KIAA1671: variants seen among roughly 807,000 people sequenced by gnomAD.
KIAA1671 encodes the protein KIAA1671.
Under a neutral mutation model 131.2 loss-of-function variants are expected in KIAA1671, and 52 were observed. The observed-to-expected ratio is 0.40, with a 90% CI of 0.32 to 0.50. KIAA1671 has a LOEUF of 0.50. Ranked by LOEUF, KIAA1671 falls within the 20% of genes least tolerant of loss-of-function variation. The pLI, the probability that KIAA1671 is intolerant of heterozygous loss-of-function variation, is 0.73. For missense variants in KIAA1671, 2,360 were observed against 2,364.2 expected, an observed-to-expected ratio of 1.00 and a Z score of 0.04; for synonymous variants, 1,003 against 961.6, an observed-to-expected ratio of 1.04 and a Z score of -0.80.
At chr22:25,174,186 G>C in intron 7 of KIAA1671, 54 bp from the exon 8 acceptor site, 1 of 1,533,584 alleles carries the variant, frequency 6.5e-7, no homozygotes, top group South Asian at 1.2e-5. Flanking sequence ...TTGAAATCCC[G>C]TTCTCTGAAA....
At chr22:25,131,048 A>AC (rs1478654492) in intron 6 of KIAA1671, among the ~76,000 whole-genome samples, 3 of 152,130 alleles carry the variant, frequency 2.0e-5, no homozygotes, top group African/African-American at 7.2e-5. Flanking sequence ...GCTGGTCACC[A>AC]CCCCCAGTCA....
chr22:25,008,828 CTTT>C (rs1420074378), intron 1 of KIAA1671, among the ~76,000 whole-genome samples: 1 of 152,240 alleles, frequency 6.6e-6, no homozygotes, highest in Non-Finnish European at 1.5e-5. Flanking sequence ...ACTGAATTCC[CTTT>C]TTGTGGTTAG....
intron 1 of KIAA1671, among the ~76,000 whole-genome samples, chr22:24,961,358 A>T (rs1025263707): frequency 6.6e-6 from 1 of 152,204 alleles, no homozygotes; most frequent in Non-Finnish European, 1.5e-5. Context: ...GCCCATGTAC[A>T]CACGAGTCTT....
At chr22:25,051,318 G>A (rs1927521204) in intron 6 of KIAA1671, 1 of 152,218 alleles carries the variant, frequency 6.6e-6, no homozygotes, top group East Asian at 1.9e-4. Context: ...TTGGGCTCTG[G>A]AGGCTGAAAG....
intron 1 of KIAA1671, among the ~76,000 whole-genome samples, chr22:24,980,928 G>C (rs1424426929): frequency 6.6e-6 from 1 of 151,876 alleles, no homozygotes; most frequent in African/African-American, 2.4e-5. Context: ...TGTATTTTTA[G>C]TAGAGACGGG....
At chr22:25,184,397 G>A (rs1055455951) in intron 10 of KIAA1671, among the ~76,000 whole-genome samples, 1 of 152,210 alleles carries the variant, frequency 6.6e-6, no homozygotes, top group Non-Finnish European at 1.5e-5. Flanking sequence ...GTGGACAATG[G>A]TAATGACTGC....
At chr22:25,129,197 G>C (rs1274092387) in intron 6 of KIAA1671, among the ~76,000 whole-genome samples, 1 of 152,100 alleles carries the variant, frequency 6.6e-6, no homozygotes, top group Non-Finnish European at 1.5e-5. Flanking sequence ...ATTTTGCAGA[G>C]TTAAAAAAAG....
intron 6 of KIAA1671, among the ~76,000 whole-genome samples, chr22:25,146,767 C>T (rs11912775): frequency 6.6e-6 from 1 of 152,294 alleles, no homozygotes; most frequent in South Asian, 2.1e-4. Flanking sequence ...TATTAATGCA[C>T]TCACCAAAGG....
intron 6 of KIAA1671, among the ~76,000 whole-genome samples, chr22:25,119,620 C>T (rs552338345): frequency 6.6e-6 from 1 of 152,294 alleles, no homozygotes; most frequent in South Asian, 2.1e-4. Context: ...ATGGTGAGGG[C>T]TCTGAAGAAA....
chr22:25,025,494 C>T (rs1472472374), intron 1 of KIAA1671, 139 bp from the exon 2 acceptor site: 3 of 152,094 alleles, frequency 2.0e-5, no homozygotes, highest in African/African-American at 7.2e-5. Context: ...GCTACAAAAT[C>T]GAAAAGCCAA....
rs1200369344 is a variant in KIAA1671, at chr22:25,192,520, A to T, written c.*119A>T. 6.6e-6 allele frequency: 1 copy of T among 152,120 alleles called. No individual in the cohort carries two copies. Among genetic ancestry groups the T allele is most frequent in the Non-Finnish European group, 1.5e-5 (1 of 68,026 alleles). 9.4% of individuals were successfully genotyped at this position (152,120 alleles called of 1,614,324 possible). On this transcript the variant is annotated 3_prime_UTR_variant, in exon 13 of 13. Coordinates refer to ENST00000358431, the MANE Select transcript of KIAA1671 (RefSeq NM_001145206.2). ...ACGCTTACGTGCCTGGGCCCTTCCC[A>T]TTGGATTGAGAACGCTATCCAGTGC...
At chr22:25,065,232 G>A (rs1243545011) in intron 6 of KIAA1671, 2 of 152,248 alleles carry the variant, frequency 1.3e-5, no homozygotes, top group African/African-American at 2.4e-5. Context: ...ACGTGCTGGT[G>A]GGGCTGAGCA....
intron 1 of KIAA1671, among the ~76,000 whole-genome samples, chr22:25,015,565 C>G (rs5996813): frequency 0.2 from 30,130 of 152,118 alleles, 3,187 homozygotes; most frequent in East Asian, 0.45. Context: ...CTTGGACAAG[C>G]GGCCTGGGGT....
At chr22:25,103,242 G>A (rs1276122510) in intron 6 of KIAA1671, among the ~76,000 whole-genome samples, 1 of 141,378 alleles carries the variant, frequency 7.1e-6, no homozygotes, top group African/African-American at 2.7e-5. Flanking sequence ...ACGGCGTCTC[G>A]CTCTGTCACC....
rs57822676 is a variant in KIAA1671, at chr22:25,156,012, C to CTTTTTTTTTTTTTTTTT, written c.4531-14797_4531-14781dup. Among the ~76,000 whole-genome samples the CTTTTTTTTTTTTTTTTT allele has an allele frequency of 5.7e-5, 2 of 35,320 alleles. 1 individual carries two copies. Among genetic ancestry groups the CTTTTTTTTTTTTTTTTT allele is most frequent in the African/African-American group, 1.4e-4 (2 of 13,884 alleles). The allele number at this position is 35,320 out of a possible 152,430, so 23.2% of individuals were successfully genotyped here. A position where few individuals can be genotyped will look rare whatever the true frequency, so the allele number is the denominator to read the frequency against. ...TTTTGTGCATGTATGTGTGTATGTGCTTTTTTTTTTTTTTTTTTTTTTTTT... is the reference window on the plus strand; with the variant it reads ...TTTTGTGCATGTATGTGTGTATGTGCTTTTTTTTTTTTTTTTTTTTTTTTTTTTTTTTTTTTTTTTTT... On this transcript the variant is annotated intron_variant, in intron 6 of 12. Transcript: ENST00000358431.
intron 1 of KIAA1671, among the ~76,000 whole-genome samples, chr22:24,954,731 C>T (rs1483643768): frequency 6.6e-6 from 1 of 152,100 alleles, no homozygotes; most frequent in Non-Finnish European, 1.5e-5. Flanking sequence ...TGCCCCTACC[C>T]CCACTGGAGG....
Position 25,190,758 on chromosome 22 carries a change from G to C in KIAA1671, c.5399G>C (p.Ser1800Thr), listed in dbSNP as rs1934647674. ...LKELKSKKRQ[S>T]LYENQV ...GAATTGAAATCCAAGAAGAGGCAAAGTCTTTATGAGAACCAAGTTTGACCA... is the reference window on the plus strand; with the variant it reads ...GAATTGAAATCCAAGAAGAGGCAAACTCTTTATGAGAACCAAGTTTGACCA... The change falls in exon 12 of 13, where the codon AGT (serine) becomes ACT (threonine). Residue 1800 changes from serine to threonine, a missense_variant. By Grantham distance (58) the Ser-to-Thr change is moderately conservative. Around this residue, in one of 3 missense-constraint regions of KIAA1671, gnomAD observed 1,161 missense variants for 1,204.7 expected, o/e 0.96. Coordinates refer to ENST00000358431, the MANE Select transcript of KIAA1671 (RefSeq NM_001145206.2). 6.4e-7 allele frequency: 1 copy of C among 1,551,704 alleles called. No homozygotes were observed. The highest frequency in any genetic ancestry group is 1.4e-5 in the African/African-American group (1 of 73,042).
chr22:24,996,989 T>G (rs1924174378), intron 1 of KIAA1671, among the ~76,000 whole-genome samples: 1 of 152,186 alleles, frequency 6.6e-6, no homozygotes, highest in African/African-American at 2.4e-5. Flanking sequence ...GAATTTTACC[T>G]TCTGTATGCC....
intron 11 of KIAA1671, 128 bp from the exon 12 acceptor site, chr22:25,190,573 TA>T: frequency 1.5e-6 from 1 of 676,000 alleles, no homozygotes; most frequent in Admixed American, 2.6e-5. Context: ...TGGGCATCTT[TA>T]CCACCTCTGA....
Sources: gnomAD v4.1 joint callset for allele counts (sites outside exome capture counted in the v4.1 genomes callset) on GRCh38, gnomAD v4.1.1 for gene constraint, gnomAD v4.1.1 regional missense constraint, MANE v1.5 for transcripts, NCBI Gene and HGNC (gene_info 2026-07-23, HGNC 2026-07-21) for gene names.